Variants in PPM1L observed in about 807,000 individuals in gnomAD.
PPM1L encodes the protein protein phosphatase 1L.
PPM1L carries 13 observed loss-of-function variants against 31.4 expected under a neutral mutation model. The observed-to-expected ratio is 0.41, with a 90% CI of 0.27 to 0.66. PPM1L has a LOEUF of 0.66. PPM1L is among the 30% of genes least tolerant of loss of function. The pLI, the probability that PPM1L is intolerant of heterozygous loss-of-function variation, is 0.29. For synonymous variants in PPM1L, 184 were observed against 175.4 expected, an observed-to-expected ratio of 1.05 and a Z score of -0.39; for missense variants, 326 against 453.7, an observed-to-expected ratio of 0.72 and a Z score of 2.56.
intron 2 of PPM1L, among the ~76,000 whole-genome samples, chr3:161,056,361 A>G (rs1001981436): frequency 6.6e-6 from 1 of 152,146 alleles, no homozygotes; most frequent in African/African-American, 2.4e-5. Flanking sequence ...CATCTCTACC[A>G]TCTTACTCTC....
rs1453318759 is a variant in PPM1L at position 161,070,181 on chromosome 3, T to C, written c.*1024T>C. The C allele has an allele frequency of 6.6e-6, 1 of 152,268 alleles. No homozygotes were observed. Among genetic ancestry groups the C allele is most frequent in the East Asian group, 1.9e-4 (1 of 5,192 alleles). 9.4% of individuals were successfully genotyped at this position (152,268 alleles called of 1,614,324 possible). On this transcript the variant is annotated 3_prime_UTR_variant, in exon 4 of 4. Transcript: ENST00000498165. ...GTGTTTTTCCTTGCCCCTTTCCAAG[T>C]GGTTTTCAAGTGTCAGGCAGTGTTC...
At position 161,071,507 on chromosome 3, in the gene PPM1L, GTCT is replaced by G. The variant is rs1215181445; in HGVS notation, c.*2354_*2356del. 3 of 152,120 alleles carry G rather than the reference GTCT, an allele frequency of 2.0e-5. No individual in the cohort carries two copies. The highest frequency in any genetic ancestry group is 4.4e-5 in the Non-Finnish European group (3 of 68,032). The allele number at this position is 152,120 out of a possible 1,614,324, so 9.4% of individuals were successfully genotyped here. A position where few individuals can be genotyped will look rare whatever the true frequency, so the allele number is the denominator to read the frequency against. ...TCTCTCTAATTGAGGTTCACAAGGC[GTCT>G]TCTAAATTTTGCTTTGTACAATTAA... is the stretch of plus-strand genomic sequence containing the variant. On this transcript the variant is annotated 3_prime_UTR_variant, in exon 4 of 4. Transcript: ENST00000498165.
intron 3 of PPM1L, 75 bp downstream of exon 3, chr3:161,065,639 G>A: frequency 7.0e-7 from 1 of 1,424,414 alleles, no homozygotes; most frequent in South Asian, 1.3e-5. Context: ...GAGAGCTCCT[G>A]GATAAAATGT....
At chr3:160,913,319 C>T (rs1714037587) in intron 1 of PPM1L, among the ~76,000 whole-genome samples, 1 of 152,082 alleles carries the variant, frequency 6.6e-6, no homozygotes, top group South Asian at 2.1e-4. Context: ...AGACAGTGAA[C>T]CCTGATGTCA....
intron 1 of PPM1L, among the ~76,000 whole-genome samples, chr3:160,904,175 G>A (rs575427776): frequency 6.6e-6 from 1 of 152,114 alleles, no homozygotes; most frequent in African/African-American, 2.4e-5. Context: ...AGTAAAATAA[G>A]TTTTCTACGT....
At chr3:160,880,831 T>G (rs1328131917) in intron 1 of PPM1L, among the ~76,000 whole-genome samples, 1 of 152,092 alleles carries the variant, frequency 6.6e-6, no homozygotes, top group African/African-American at 2.4e-5. Context: ...TTTCCACCCC[T>G]CTCCACCCAG....
At chr3:160,773,799 C>CT (rs1343881533) in intron 1 of PPM1L, among the ~76,000 whole-genome samples, 1 of 152,110 alleles carries the variant, frequency 6.6e-6, no homozygotes, top group Non-Finnish European at 1.5e-5. Context: ...CAGCTCTCAT[C>CT]TTTGATTTTT....
At chr3:160,849,902 C>A (rs1477478729) in intron 1 of PPM1L, among the ~76,000 whole-genome samples, 1 of 152,124 alleles carries the variant, frequency 6.6e-6, no homozygotes, top group Non-Finnish European at 1.5e-5. Flanking sequence ...ACACTCACAC[C>A]CAACACTGAT....
At chr3:161,049,561 A>G (rs1305681744) in intron 2 of PPM1L, among the ~76,000 whole-genome samples, 1 of 152,146 alleles carries the variant, frequency 6.6e-6, no homozygotes. Context: ...TGGGTTCAAA[A>G]TCTTCGTCTT....
At position 160,881,070 on chromosome 3, in the gene PPM1L, C is replaced by T. The variant is rs894072011; in HGVS notation, c.400-80666C>T. Among the ~76,000 whole-genome samples, 94 of 152,292 alleles carry T rather than the reference C, an allele frequency of 6.2e-4. 2 individuals carry two copies. The highest frequency in any genetic ancestry group is 5.4e-3 in the Admixed American group (83 of 15,294). Reference sequence around the variant, plus strand: ...ACAGAGAACAGCTTGTGACTTTTCCCACTTTTTCAGCAGCATTTAAAAATA... The same window carrying T: ...ACAGAGAACAGCTTGTGACTTTTCCTACTTTTTCAGCAGCATTTAAAAATA... On this transcript the variant is annotated intron_variant, in intron 1 of 3. Coordinates refer to ENST00000498165, the MANE Select transcript of PPM1L (RefSeq NM_139245.4).
chr3:160,921,530 A>C (rs1019121008), intron 1 of PPM1L, among the ~76,000 whole-genome samples: 1 of 152,196 alleles, frequency 6.6e-6, no homozygotes, highest in Non-Finnish European at 1.5e-5. Context: ...TCCCATTTAC[A>C]AAATTAATTA....
At chr3:161,037,507 C>T (rs1283042826) in intron 2 of PPM1L, among the ~76,000 whole-genome samples, 1 of 150,670 alleles carries the variant, frequency 6.6e-6, no homozygotes, top group Admixed American at 6.6e-5. Context: ...CTCCACCTCC[C>T]AGGTTCAAGT....
chr3:160,880,508 T>C (rs1712675096), intron 1 of PPM1L, among the ~76,000 whole-genome samples: 1 of 152,138 alleles, frequency 6.6e-6, no homozygotes, highest in Non-Finnish European at 1.5e-5. Context: ...TTTGTCATAA[T>C]GTTTTACTGC....
chr3:160,843,640 C>T (rs1345235367), intron 1 of PPM1L, among the ~76,000 whole-genome samples: 4 of 151,388 alleles, frequency 2.6e-5, no homozygotes, highest in Non-Finnish European at 5.9e-5. Flanking sequence ...CAACAGGCCC[C>T]GGTGTGTGAT....
intron 1 of PPM1L, among the ~76,000 whole-genome samples, chr3:160,765,486 G>C (rs541662615): frequency 1.3e-5 from 2 of 152,320 alleles, no homozygotes; most frequent in East Asian, 3.9e-4. Context: ...TTGGTAGGTT[G>C]ATCTTGTAAT....
rs1719829932 is a variant in PPM1L at position 161,069,032 on chromosome 3, C to T, written c.958C>T (p.Arg320Cys). 1.7e-5 allele frequency: 27 copies of T among 1,614,144 alleles called. No homozygotes were observed. Among genetic ancestry groups the T allele is most frequent in the East Asian group, 2.2e-5 (1 of 44,880 alleles). The change falls in exon 4 of 4, where the codon CGC becomes TGC. Residue 320 changes from arginine (R) to cysteine (C), a missense_variant. Around this residue, in one of 3 missense-constraint regions of PPM1L, gnomAD observed 201 missense variants for 298.2 expected, o/e 0.67. Transcript: ENST00000498165. The stretch of plus-strand genomic sequence containing the variant: ...AGAAGCAGTTCGATTCATCAAGGAG[C>T]GCTTGGATGAACCTCACTTTGGGGC... Reference protein sequence around the residue: ...NEEAVRFIKERLDEPHFGAKS... With the variant: ...NEEAVRFIKECLDEPHFGAKS...
At chr3:160,828,798 C>T (rs1455673994) in intron 1 of PPM1L, among the ~76,000 whole-genome samples, 2 of 151,610 alleles carry the variant, frequency 1.3e-5, no homozygotes, top group African/African-American at 2.4e-5. Context: ...TAGGTAGAGC[C>T]ACTAAAAGCT....
intron 1 of PPM1L, among the ~76,000 whole-genome samples, chr3:160,763,114 C>T (rs908057654): frequency 6.6e-6 from 1 of 152,270 alleles, no homozygotes; most frequent in Middle Eastern, 3.4e-3. Flanking sequence ...TTCCTCTATC[C>T]TCCTCCCCTT....
chr3:160,766,996 T>C (rs1173040885), intron 1 of PPM1L, among the ~76,000 whole-genome samples: 1 of 150,156 alleles, frequency 6.7e-6, no homozygotes, highest in African/African-American at 2.5e-5. Flanking sequence ...CGTACAGTGT[T>C]ACTAGGTGGA....
Sources: allele counts gnomAD v4.1 joint callset (sites outside exome capture counted in the v4.1 genomes callset), GRCh38; gene constraint gnomAD v4.1.1; regional missense constraint gnomAD v4.1.1; transcripts MANE v1.5; gene names NCBI Gene and HGNC (gene_info 2026-07-23, HGNC 2026-07-21).